DOCK3: variants seen among roughly 807,000 people sequenced by gnomAD.
The protein encoded by DOCK3 is dedicator of cytokinesis 3.
In DOCK3, 60 loss-of-function variants were observed where a neutral mutation model predicts 265.6. That is an observed-to-expected ratio of 0.23 (90% CI 0.18 to 0.28). The LOEUF is 0.28. DOCK3 is among the 10% of genes least tolerant of loss of function. The pLI, the probability that DOCK3 is intolerant of heterozygous loss-of-function variation, is 1.00. For missense variants in DOCK3, 1,981 were observed against 2,594.3 expected (o/e 0.76, Z 5.14); for synonymous variants, 881 against 938.0 (o/e 0.94, Z 1.11).
At chr3:51,334,345 T>C (rs1437532186) in intron 35 of DOCK3, among the ~76,000 whole-genome samples, 1 of 152,170 alleles carries the variant, frequency 6.6e-6, no homozygotes, top group African/African-American at 2.4e-5. Flanking sequence ...AAGCAATAGT[T>C]GCCTTCTCTG....
At chr3:51,239,199 T>TTTTTTTTATTTATTTA (rs1553805828) in intron 21 of DOCK3, among the ~76,000 whole-genome samples, 8 of 146,616 alleles carry the variant, frequency 5.5e-5, no homozygotes, top group South Asian at 2.2e-4. Flanking sequence ...AAAGCGTACT[T>TTTTTTTTATTTATTTA]TTTATTTATT....
At chr3:51,357,689 A>C in intron 44 of DOCK3, 69 bp from the exon 45 acceptor site, 1 of 1,536,944 alleles carries the variant, frequency 6.5e-7, no homozygotes, top group Admixed American at 1.7e-5. Context: ...AGTGGACTCA[A>C]GTCTCCTGGG....
intron 2 of DOCK3, 146 bp downstream of exon 2, chr3:50,778,904 G>A (rs2041760442): frequency 1.8e-6 from 1 of 552,942 alleles, no homozygotes; most frequent in Non-Finnish European, 3.0e-6. Context: ...AATTCTTCCT[G>A]ATCTGTGTTC....
intron 19 of DOCK3, among the ~76,000 whole-genome samples, chr3:51,230,779 T>C (rs2090513302): frequency 1.3e-5 from 2 of 152,160 alleles, no homozygotes; most frequent in Admixed American, 6.5e-5. Context: ...CCTCCCAAAG[T>C]GCTGGGATTA....
chr3:50,730,002 T>C (rs2038094471), intron 1 of DOCK3, among the ~76,000 whole-genome samples: 1 of 151,812 alleles, frequency 6.6e-6, no homozygotes, highest in Admixed American at 6.6e-5. Context: ...TATTTTTGTA[T>C]GTTGGCCAGG....
rs2076987231 is a variant in DOCK3, at chr3:50,964,928, A to G, written c.315+30851A>G. Among the ~76,000 whole-genome samples the G allele has an allele frequency of 2.0e-5, 3 of 152,112 alleles. No individual in the cohort carries two copies. In the South Asian group the frequency reaches 6.2e-4, roughly 32 times the overall value. ...GTAAATGAGAGGACAGAAGAACAAA[A>G]TCTGAAAGAAGAACTTAGATTTCTA... On this transcript the variant is annotated intron_variant, in intron 5 of 52. Coordinates refer to ENST00000266037, the MANE Select transcript of DOCK3 (RefSeq NM_004947.5).
intron 4 of DOCK3, among the ~76,000 whole-genome samples, chr3:50,915,073 C>T (rs796783783): frequency 1.3e-5 from 2 of 152,008 alleles, no homozygotes; most frequent in Admixed American, 6.6e-5. Context: ...ATTTGAGGCA[C>T]CCCTTAGCAA....
chr3:51,278,858 C>A (rs2080963364), intron 26 of DOCK3, among the ~76,000 whole-genome samples: 1 of 152,056 alleles, frequency 6.6e-6, no homozygotes, highest in South Asian at 2.1e-4. Context: ...TACATTAACC[C>A]ATCTGACCCT....
intron 40 of DOCK3, among the ~76,000 whole-genome samples, chr3:51,351,624 G>A (rs1204649675): frequency 6.7e-6 from 1 of 148,878 alleles, no homozygotes; most frequent in African/African-American, 2.5e-5. Context: ...AGTGTTTCTA[G>A]TAGCAGAATG....
In DOCK3 at chr3:51,227,458, TC is replaced by T. The variant is rs759807960; in HGVS notation, c.1540+20del. The T allele has an allele frequency of 1.2e-5, 20 of 1,613,212 alleles. No homozygotes were observed. The highest frequency in any genetic ancestry group is 1.4e-5 in the Non-Finnish European group (17 of 1,179,538). ...AGACATTGTTCCAGTGAGTTAGACT[TC>T]CCCCCCTCCACATTCCCTTGAGAAT... On this transcript the variant is annotated intron_variant, in intron 16 of 52. Transcript: ENST00000266037.
At chr3:50,682,582 C>T (rs2107674516) in intron 1 of DOCK3, among the ~76,000 whole-genome samples, 1 of 152,162 alleles carries the variant, frequency 6.6e-6, no homozygotes, top group South Asian at 2.1e-4. Flanking sequence ...TTACTTTATC[C>T]TCTTCATTAG....
intron 9 of DOCK3, among the ~76,000 whole-genome samples, chr3:51,132,910 C>T (rs2084621621): frequency 6.6e-6 from 1 of 152,152 alleles, no homozygotes; most frequent in African/African-American, 2.4e-5. Context: ...GCATCCCCTC[C>T]CCGACCCAAG....
At chr3:51,357,271 G>C in intron 44 of DOCK3, 130 bp downstream of exon 44, 2 of 1,041,256 alleles carry the variant, frequency 1.9e-6, no homozygotes, top group Non-Finnish European at 2.7e-6. Flanking sequence ...CATGGTCCTG[G>C]AATGAGGCCC....
rs144162878 is a variant in DOCK3, at chr3:51,267,172, A to G, written c.2356-3643A>G. Among the ~76,000 whole-genome samples the G allele has an allele frequency of 4.5e-3, 682 of 152,312 alleles. 4 individuals carry two copies. The highest frequency in any genetic ancestry group is 0.013 in the African/African-American group (544 of 41,564). On this transcript the variant is annotated intron_variant, in intron 23 of 52. Coordinates refer to ENST00000266037, the MANE Select transcript of DOCK3 (RefSeq NM_004947.5). ...TCATTAAAAAGTTAGGATACAACAGATGCTGGAGAGGATGTGGAGAAATAG... is the reference window on the plus strand; with the variant it reads ...TCATTAAAAAGTTAGGATACAACAGGTGCTGGAGAGGATGTGGAGAAATAG...
chr3:50,786,951 A>G, intron 2 of DOCK3: 1 of 741,656 alleles, frequency 1.3e-6, no homozygotes, highest in South Asian at 1.4e-5. Flanking sequence ...TCACATGTAA[A>G]TGGCATGTCT....
intron 27 of DOCK3, among the ~76,000 whole-genome samples, chr3:51,307,358 C>G (rs2082740310): frequency 6.6e-6 from 1 of 152,122 alleles, no homozygotes. Context: ...CTCAAGTGAT[C>G]CTGTTGCCTC....
intron 1 of DOCK3, among the ~76,000 whole-genome samples, chr3:50,687,591 A>G (rs1033073840): frequency 5.9e-5 from 9 of 152,236 alleles, no homozygotes; most frequent in African/African-American, 2.2e-4. Context: ...AGAATGAGCT[A>G]AGGGCATGTA....
intron 15 of DOCK3, among the ~76,000 whole-genome samples, chr3:51,226,411 C>T (rs567068133): frequency 1.3e-5 from 2 of 152,152 alleles, no homozygotes; most frequent in East Asian, 3.8e-4. Context: ...CGGTGTTGTA[C>T]GAACCTTGCT....
intron 12 of DOCK3, among the ~76,000 whole-genome samples, chr3:51,191,100 A>G (rs1156515404): frequency 6.6e-6 from 1 of 152,086 alleles, no homozygotes; most frequent in Non-Finnish European, 1.5e-5. Context: ...CAGGCTGTCT[A>G]CACTCAGAAC....
Sources: gnomAD v4.1 joint callset for allele counts (sites outside exome capture counted in the v4.1 genomes callset) on GRCh38, gnomAD v4.1.1 for gene constraint, MANE v1.5 for transcripts, NCBI Gene and HGNC (gene_info 2026-07-23, HGNC 2026-07-21) for gene names.